The following AGTPBP1 variants were observed in gnomAD, a reference collection of about 807,000 sequenced individuals.
AGTPBP1 encodes ATP/GTP binding carboxypeptidase 1.
AGTPBP1 carries 70 observed loss-of-function variants against 143.9 expected under a neutral mutation model. The ratio of observed to expected loss-of-function variants is 0.49; its 90% CI spans 0.40 to 0.59. The LOEUF (loss-of-function observed/expected upper bound fraction) is 0.59, where lower values mean the gene tolerates loss of function less well. AGTPBP1 is among the 20% of genes least tolerant of loss of function. The pLI, the probability that AGTPBP1 is intolerant of heterozygous loss-of-function variation, is 0.00. For missense variants in AGTPBP1, 1,229 were observed against 1,464.5 expected (o/e 0.84, Z 2.62); for synonymous variants, 463 against 500.2 (o/e 0.93, Z 0.99).
chr9:85,632,192 G>C (rs1348952731), intron 14 of AGTPBP1, among the ~76,000 whole-genome samples: 9 of 151,930 alleles, frequency 5.9e-5, no homozygotes, highest in Non-Finnish European at 5.9e-5. Flanking sequence ...CTCACTTCAA[G>C]CATTTATCCT....
At chr9:85,762,821 T>TTA in the AGTPBP1 span, among the ~76,000 whole-genome samples, 3 of 147,874 alleles carry the variant, frequency 2.0e-5, no homozygotes, top group African/African-American at 7.4e-5. Context: ...ATGTAAAACT[T>TTA]TATATATATA....
intron 11 of AGTPBP1, among the ~76,000 whole-genome samples, chr9:85,649,581 G>A (rs1486135567): frequency 1.3e-5 from 2 of 151,974 alleles, no homozygotes; most frequent in East Asian, 3.8e-4. Context: ...CTATCTTACT[G>A]ATTTAGCTAG....
intron 4 of AGTPBP1, among the ~76,000 whole-genome samples, chr9:85,680,323 C>T (rs1416687585): frequency 6.6e-6 from 1 of 152,164 alleles, no homozygotes; most frequent in Non-Finnish European, 1.5e-5. Flanking sequence ...GTGGCTCATG[C>T]CTGTAATCCC....
At chr9:85,609,462 T>C (rs1481978023) in intron 17 of AGTPBP1, among the ~76,000 whole-genome samples, 1 of 152,102 alleles carries the variant, frequency 6.6e-6, no homozygotes, top group Non-Finnish European at 1.5e-5. Flanking sequence ...TTTGTATTTT[T>C]AGTAGAGACG....
Position 85,588,826 on chromosome 9 carries a change from A to T in AGTPBP1, c.2723-348T>A, listed in dbSNP as rs1046359057. ...TGGGGGAAGTTTAAAATATAAAACT[A>T]TTTTTTCATAAAATCATAGGGAAAA... is the stretch of plus-strand genomic sequence containing the variant. On this transcript the variant is annotated intron_variant, in intron 20 of 25. Coordinates refer to ENST00000357081, the MANE Select transcript of AGTPBP1 (RefSeq NM_001330701.2). Among the ~76,000 whole-genome samples the T allele has an allele frequency of 3.3e-5, 5 of 151,982 alleles. No individual in the cohort carries two copies. In the East Asian group the frequency reaches 9.7e-4, roughly 29 times the overall value.
intron 22 of AGTPBP1, 52 bp downstream of exon 22, chr9:85,586,779 A>T: frequency 6.3e-7 from 1 of 1,577,312 alleles, no homozygotes; most frequent in Admixed American, 1.7e-5. Context: ...GATAATTAAA[A>T]ATGATATTTT....
chr9:85,648,021 A>AC (rs1832922540), intron 11 of AGTPBP1, among the ~76,000 whole-genome samples: 1 of 152,170 alleles, frequency 6.6e-6, no homozygotes, highest in Non-Finnish European at 1.5e-5. Context: ...TGACCAACAA[A>AC]CAGGAAAAGA....
chr9:85,693,673 ACTC>A (rs1328525924), intron 2 of AGTPBP1, among the ~76,000 whole-genome samples: 3 of 151,842 alleles, frequency 2.0e-5, no homozygotes, highest in Non-Finnish European at 4.4e-5. Context: ...ACAAGCAAAA[ACTC>A]CTGCCCCGCA....
chr9:85,603,684 G>T (rs1829811604), intron 17 of AGTPBP1, among the ~76,000 whole-genome samples: 1 of 151,930 alleles, frequency 6.6e-6, no homozygotes, highest in Non-Finnish European at 1.5e-5. Context: ...GGGCCCCTAG[G>T]GTCCCCAATT....
At position 85,596,598 on chromosome 9, in the gene AGTPBP1, C is replaced by G. The variant is rs909718279; in HGVS notation, c.2336-149G>C. On this transcript the variant is annotated intron_variant, in intron 17 of 25. Coordinates refer to ENST00000357081, the MANE Select transcript of AGTPBP1 (RefSeq NM_001330701.2). ...TAGTATGTATTTTAAAAATCTGATG[C>G]ATTTCTTAAACATCCCAAGTCAATC... 5.4e-6 allele frequency: 3 copies of G among 553,960 alleles called. No individual in the cohort carries two copies. In the African/African-American group the frequency reaches 5.6e-5, roughly 10 times the overall value. 34.3% of individuals were successfully genotyped at this position (553,960 alleles called of 1,614,324 possible). A position where few individuals can be genotyped will look rare whatever the true frequency, so the allele number is the denominator to read the frequency against.
intron 1 of AGTPBP1, among the ~76,000 whole-genome samples, chr9:85,717,785 C>T (rs1000257783): frequency 4.0e-5 from 6 of 151,662 alleles, no homozygotes; most frequent in African/African-American, 1.5e-4. Flanking sequence ...CCCATCAACT[C>T]GTCATTTACA....
At chr9:85,672,455 A>T in intron 7 of AGTPBP1, 95 bp downstream of exon 7, 1 of 1,364,628 alleles carries the variant, frequency 7.3e-7, no homozygotes, top group Non-Finnish European at 1.0e-6. Flanking sequence ...TTCCTTTTTC[A>T]CAAATATCAG....
At chr9:85,707,495 T>G (rs4877949) in intron 2 of AGTPBP1, among the ~76,000 whole-genome samples, 1 of 151,630 alleles carries the variant, frequency 6.6e-6, no homozygotes, top group Non-Finnish European at 1.5e-5. Flanking sequence ...CCAGGCTGAT[T>G]GAGAAAAAAA....
At chr9:85,666,165 TAA>T (rs1834119961) in intron 8 of AGTPBP1, among the ~76,000 whole-genome samples, 1 of 152,154 alleles carries the variant, frequency 6.6e-6, no homozygotes. Context: ...CCCCAGGTAC[TAA>T]TGAAGTGACA....
chr9:85,634,037 C>A (rs1831863964), intron 13 of AGTPBP1, among the ~76,000 whole-genome samples: 1 of 151,346 alleles, frequency 6.6e-6, no homozygotes, highest in East Asian at 1.9e-4. Flanking sequence ...ACTAAAACTA[C>A]AAAAATTAGC....
intron 23 of AGTPBP1, among the ~76,000 whole-genome samples, chr9:85,580,448 A>G (rs917898965): frequency 6.6e-6 from 1 of 151,636 alleles, no homozygotes; most frequent in African/African-American, 2.4e-5. Context: ...GCTCACCACA[A>G]CCTCTGCGTC....
intron 10 of AGTPBP1, among the ~76,000 whole-genome samples, chr9:85,656,045 T>C (rs1239951819): frequency 1.3e-5 from 2 of 152,170 alleles, no homozygotes; most frequent in Non-Finnish European, 2.9e-5. Flanking sequence ...GCCAGGATGG[T>C]CTCGATCTTC....
intron 8 of AGTPBP1, among the ~76,000 whole-genome samples, chr9:85,666,135 G>A (rs1034357085): frequency 1.8e-4 from 28 of 151,976 alleles, no homozygotes; most frequent in African/African-American, 6.8e-4. Context: ...TAGGAGATGT[G>A]AAGGAAAAAA....
the AGTPBP1 span, among the ~76,000 whole-genome samples, chr9:85,753,571 G>A: frequency 1.3e-5 from 2 of 152,026 alleles, no homozygotes. Context: ...GGTCAACATG[G>A]TAAAACCCCG....
Sources: allele counts gnomAD v4.1 joint callset (sites outside exome capture counted in the v4.1 genomes callset), GRCh38; gene constraint gnomAD v4.1.1; transcripts MANE v1.5; gene names NCBI Gene and HGNC (gene_info 2026-07-23, HGNC 2026-07-21).